The following CSMD3 variants were observed in gnomAD, a reference collection of about 807,000 sequenced individuals.
CSMD3 encodes the protein CUB and Sushi multiple domains 3.
In CSMD3, 177 loss-of-function variants were observed where a neutral mutation model predicts 435.2. The ratio of observed to expected loss-of-function variants is 0.41; its 90% CI spans 0.36 to 0.46. The LOEUF is 0.46. CSMD3 is among the 20% of genes least tolerant of loss of function. The pLI is 0.34. For missense variants in CSMD3, 4,265 were observed against 4,504.6 expected, an observed-to-expected ratio of 0.95 and a Z score of 1.52; for synonymous variants, 1,656 against 1,520.5, an observed-to-expected ratio of 1.09 and a Z score of -2.07.
At chr8:112,613,982 T>C (rs561542472) in intron 22 of CSMD3, among the ~76,000 whole-genome samples, 2 of 152,016 alleles carry the variant, frequency 1.3e-5, no homozygotes, top group African/African-American at 2.4e-5. Context: ...TTTAAAAACA[T>C]TGGTAGATTA....
At chr8:113,174,160 C>A (rs897939510) in intron 3 of CSMD3, among the ~76,000 whole-genome samples, 1 of 152,044 alleles carries the variant, frequency 6.6e-6, no homozygotes, top group Non-Finnish European at 1.5e-5. Context: ...ATTACTTAGT[C>A]TTCAGAGCAT....
intron 3 of CSMD3, among the ~76,000 whole-genome samples, chr8:113,241,604 G>GAA (rs34590401): frequency 7.8e-5 from 11 of 141,432 alleles, no homozygotes; most frequent in African/African-American, 5.2e-5. Context: ...ATTTTTTGCT[G>GAA]AAAAAAAAAA....
At chr8:112,598,835 G>C (rs920776355) in intron 22 of CSMD3, among the ~76,000 whole-genome samples, 8 of 152,174 alleles carry the variant, frequency 5.3e-5, no homozygotes, top group Non-Finnish European at 1.0e-4. Flanking sequence ...GCTGAAATAG[G>C]ATCCCCTCCT....
At chr8:112,779,378 T>C (rs1243768485) in intron 13 of CSMD3, among the ~76,000 whole-genome samples, 1 of 152,052 alleles carries the variant, frequency 6.6e-6, no homozygotes, top group Non-Finnish European at 1.5e-5. Context: ...ATTTAACCAA[T>C]AGATTTTAGG....
intron 25 of CSMD3, among the ~76,000 whole-genome samples, chr8:112,554,643 A>G (rs1284149026): frequency 6.6e-6 from 1 of 151,934 alleles, no homozygotes; most frequent in African/African-American, 2.4e-5. Flanking sequence ...ATAAAATATT[A>G]CCTGGCATTT....
At chr8:112,873,886 A>T (rs528109132) in intron 10 of CSMD3, among the ~76,000 whole-genome samples, 1 of 152,004 alleles carries the variant, frequency 6.6e-6, no homozygotes, top group South Asian at 2.1e-4. Flanking sequence ...TTTTTTTTGA[A>T]GGGTTTTTCA....
At chr8:112,305,828 G>C (rs918610105) in intron 51 of CSMD3, among the ~76,000 whole-genome samples, 179 bp downstream of exon 51, 4 of 152,102 alleles carry the variant, frequency 2.6e-5, no homozygotes, top group Non-Finnish European at 2.9e-5. Context: ...TGATGGAAAA[G>C]ACCTTGTACT....
chr8:113,093,522 C>T (rs1384175462), intron 5 of CSMD3, among the ~76,000 whole-genome samples: 1 of 151,972 alleles, frequency 6.6e-6, no homozygotes, highest in Non-Finnish European at 1.5e-5. Flanking sequence ...AGTTATTGCT[C>T]ATTTTGTAAA....
At chr8:112,940,327 T>A (rs910824955) in intron 9 of CSMD3, among the ~76,000 whole-genome samples, 1 of 151,772 alleles carries the variant, frequency 6.6e-6, no homozygotes, top group Admixed American at 6.6e-5. Flanking sequence ...AAATTTATGT[T>A]CACATCTAGT....
At chr8:113,150,628 T>C (rs937585804) in intron 4 of CSMD3, among the ~76,000 whole-genome samples, 7 of 152,026 alleles carry the variant, frequency 4.6e-5, no homozygotes, top group African/African-American at 1.7e-4. Flanking sequence ...TAAGCTGCTA[T>C]GTTTGTAGCA....
At chr8:113,358,969 A>AT (rs1177170824) in intron 1 of CSMD3, among the ~76,000 whole-genome samples, 3 of 152,280 alleles carry the variant, frequency 2.0e-5, no homozygotes, top group East Asian at 1.9e-4. Context: ...TCGGTTAAAA[A>AT]ATATATATAG....
intron 3 of CSMD3, among the ~76,000 whole-genome samples, chr8:113,226,869 G>T (rs2093034642): frequency 6.6e-6 from 1 of 151,412 alleles, no homozygotes; most frequent in Admixed American, 6.6e-5. Flanking sequence ...ATATAATAAA[G>T]ATAAAATTTG....
At chr8:113,092,169 A>T (rs7840572) in intron 5 of CSMD3, among the ~76,000 whole-genome samples, 102,164 of 151,942 alleles carry the variant, frequency 0.67, 35,958 homozygotes, top group East Asian at 0.95. Context: ...TAAATGGCCT[A>T]TTAATCTTCA....
At chr8:113,191,772 C>T (rs2092589272) in intron 3 of CSMD3, among the ~76,000 whole-genome samples, 1 of 151,644 alleles carries the variant, frequency 6.6e-6, no homozygotes, top group Non-Finnish European at 1.5e-5. Flanking sequence ...TGGGTATATA[C>T]CCAGTAATAA....
At chr8:113,017,598 T>C (rs980668622) in intron 6 of CSMD3, among the ~76,000 whole-genome samples, 3 of 151,978 alleles carry the variant, frequency 2.0e-5, no homozygotes, top group East Asian at 1.9e-4. Context: ...ATTTCTGCCA[T>C]GCCATTGGCC....
At chr8:112,616,712 A>T (rs2131496187) in intron 22 of CSMD3, among the ~76,000 whole-genome samples, 1 of 152,268 alleles carries the variant, frequency 6.6e-6, no homozygotes, top group Non-Finnish European at 1.5e-5. Flanking sequence ...CCCTGGGATG[A>T]CACCAAACAG....
chr8:112,241,007 C>G (rs985424828), intron 66 of CSMD3, among the ~76,000 whole-genome samples: 4 of 152,004 alleles, frequency 2.6e-5, no homozygotes, highest in South Asian at 2.1e-4. Flanking sequence ...TTTTAAATTG[C>G]CTAGTCTTGG....
At chr8:113,425,843 T>C (rs2094633131) in intron 1 of CSMD3, among the ~76,000 whole-genome samples, 1 of 151,546 alleles carries the variant, frequency 6.6e-6, no homozygotes, top group Non-Finnish European at 1.5e-5. Context: ...ATTTCCATAA[T>C]CTTAAAAACT....
intron 32 of CSMD3, among the ~76,000 whole-genome samples, chr8:112,443,469 C>T (rs1815264608): frequency 6.6e-6 from 1 of 152,122 alleles, no homozygotes; most frequent in South Asian, 2.1e-4. Context: ...AAATCTATCT[C>T]AACAGTTCTG....
Sources: gnomAD v4.1 joint callset for allele counts (sites outside exome capture counted in the v4.1 genomes callset) on GRCh38, gnomAD v4.1.1 for gene constraint, MANE v1.5 for transcripts, NCBI Gene and HGNC (gene_info 2026-07-23, HGNC 2026-07-21) for gene names.